RRP36: variants seen among roughly 807,000 people sequenced by gnomAD.
RRP36 encodes the protein ribosomal RNA processing protein 36 homolog.
A neutral mutation model predicts 39.8 loss-of-function variants in RRP36; 44 were observed. That is an observed-to-expected ratio of 1.10 (90% CI 0.87 to 1.42). The LOEUF (loss-of-function observed/expected upper bound fraction) is 1.42, where lower values mean the gene tolerates loss of function less well. RRP36 is among the 40% of genes most tolerant of loss of function. RRP36 has a pLI of 0.00. For missense variants in RRP36, 316 were observed against 322.4 expected (o/e 0.98, Z 0.15); for synonymous variants, 124 against 123.1 (o/e 1.01, Z -0.05).
chr6:43,027,672 T>C (rs1439097514), intron 6 of RRP36, among the ~76,000 whole-genome samples, 195 bp downstream of exon 6: 2 of 151,134 alleles, frequency 1.3e-5, no homozygotes, highest in Admixed American at 6.6e-5. Flanking sequence ...ATGGCAGGCA[T>C]TGTCACCTTT....
rs184167479 is a variant in RRP36 at position 43,024,856 on chromosome 6, T to C, written c.131-129T>C. ...TAACACTATCACAGCCTCTGCTGCC[T>C]AGGACTTCTAATAATGATTGGTCTG... On this transcript the variant is annotated intron_variant, in intron 1 of 6. Coordinates refer to ENST00000244496, the MANE Select transcript of RRP36 (RefSeq NM_033112.4). 58 of 1,135,584 alleles carry C rather than the reference T, an allele frequency of 5.1e-5. No individual in the cohort carries two copies. The African/African-American group carries it at 7.1e-4, about 14-fold the overall frequency. 70.3% of individuals were successfully genotyped at this position (1,135,584 alleles called of 1,614,324 possible). A position where few individuals can be genotyped will look rare whatever the true frequency, so the allele number is the denominator to read the frequency against.
Position 43,025,051 on chromosome 6 carries a change from A to G in RRP36, c.197A>G (p.Lys66Arg). 2 of 1,614,242 alleles carry G rather than the reference A, an allele frequency of 1.2e-6. No individual in the cohort carries two copies. The highest frequency in any genetic ancestry group is 2.2e-5 in the South Asian group (2 of 91,086). The change falls in exon 2 of 7, where the codon AAA (lysine) becomes AGA (arginine). Residue 66 changes from lysine to arginine, a missense_variant. Physicochemically the swap from Lys to Arg is conservative, Grantham distance 26. Coordinates refer to ENST00000244496, the MANE Select transcript of RRP36 (RefSeq NM_033112.4). The part of the protein sequence containing the change: ...LQSQVGTKTY[K>R]QLVAGNSPKK... Reference sequence around the variant, plus strand: ...AGCCAAGTGGGGACTAAGACGTACAAACAATTGGTAGCTGGAAATAGTCCT... The same window carrying G: ...AGCCAAGTGGGGACTAAGACGTACAGACAATTGGTAGCTGGAAATAGTCCT...
intron 1 of RRP36, among the ~76,000 whole-genome samples, chr6:43,022,243 C>T (rs1033829159): frequency 2.6e-5 from 4 of 151,824 alleles, no homozygotes; most frequent in Non-Finnish European, 5.9e-5. Flanking sequence ...GGACTACAGG[C>T]GCCCGCCACC....
chr6:43,024,418 T>A (rs1428548950), intron 1 of RRP36, among the ~76,000 whole-genome samples: 1 of 152,198 alleles, frequency 6.6e-6, no homozygotes, highest in African/African-American at 2.4e-5. Flanking sequence ...TTAAGGTACA[T>A]GGCTTTTACT....
intron 2 of RRP36, 47 bp downstream of exon 2, chr6:43,025,179 A>G: frequency 6.2e-7 from 1 of 1,613,308 alleles, no homozygotes; most frequent in South Asian, 1.1e-5. Flanking sequence ...GGGACCTTGA[A>G]TAGGTATGTT....
intron 1 of RRP36, 82 bp downstream of exon 1, chr6:43,021,866 A>G: frequency 1.9e-6 from 2 of 1,052,444 alleles, no homozygotes; most frequent in Non-Finnish European, 2.4e-6. Flanking sequence ...CGGTGCCGGT[A>G]AGACTGCCAA....
rs1026568887 is a variant in RRP36 at position 43,021,700 on chromosome 6, GCCCGACGTCCCCGCGGGGCCCGGGA to G, written c.49_73del (p.Arg17AlafsTer18). 1.0e-5 allele frequency: 12 copies of G among 1,149,472 alleles called. No individual in the cohort carries two copies. The Admixed American group carries it at 1.7e-4, about 17-fold the overall frequency. The allele number at this position is 1,149,472 out of a possible 1,614,324, so 71.2% of individuals were successfully genotyped here. ...CGCCGGGGCCGGGGCCGGGGCCGGG[GCCCGACGTCCCCGCGGGGCCCGGGA>G]CCGCGAGGAGGACGGCGGGGGCCTG... On this transcript the variant is annotated frameshift_variant, in exon 1 of 7. Transcript: ENST00000244496. LOFTEE classifies it high-confidence loss of function.
Position 43,029,105 on chromosome 6 carries a change from G to C in RRP36, c.657G>C (p.Gln219His). The C allele has an allele frequency of 6.2e-7, 1 of 1,614,262 alleles. No homozygotes were observed. Among genetic ancestry groups the C allele is most frequent in the Non-Finnish European group, 8.5e-7 (1 of 1,180,042 alleles). The change falls in exon 7 of 7, where the codon CAG (glutamine) becomes CAC (histidine). Residue 219 changes from glutamine to histidine, a missense_variant. By Grantham distance (24) the Gln-to-His change is conservative. Coordinates refer to ENST00000244496, the MANE Select transcript of RRP36 (RefSeq NM_033112.4). ...CCTGTCATTTAGCTGAGCAGCGCCAGTTGGCACTAGCTGAGAAGTTCAAGG... is the reference window on the plus strand; with the variant it reads ...CCTGTCATTTAGCTGAGCAGCGCCACTTGGCACTAGCTGAGAAGTTCAAGG... ...PYFLKKSEQRQLALAEKFKEL... is the reference protein window; with the variant it reads ...PYFLKKSEQRHLALAEKFKEL...
intron 3 of RRP36, among the ~76,000 whole-genome samples, chr6:43,025,622 C>CA (rs1219326852): frequency 0.078 from 4,919 of 63,308 alleles, 236 homozygotes; most frequent in Non-Finnish European, 0.12. Flanking sequence ...GACTCTGTCT[C>CA]AAAAAAAAAA....
intron 1 of RRP36, among the ~76,000 whole-genome samples, chr6:43,022,921 T>G (rs1040571706): frequency 6.6e-6 from 1 of 151,506 alleles, no homozygotes. Context: ...GTGAGCCACC[T>G]CGCCCAGCCA....
In RRP36 at chr6:43,021,911, C is replaced by T. The variant is rs970993805; in HGVS notation, c.130+127C>T. The T allele has an allele frequency of 7.5e-5, 50 of 670,900 alleles. No individual in the cohort carries two copies. In the African/African-American group the frequency reaches 8.6e-4, roughly 11 times the overall value. 41.6% of individuals were successfully genotyped at this position (670,900 alleles called of 1,614,324 possible). On this transcript the variant is annotated intron_variant, in intron 1 of 6. Transcript: ENST00000244496. ...GAGGCAGACGCTACACTAGGGGTGC[C>T]CCCAGTGCAGTGGAAAGTGGGGGGT...
intron 6 of RRP36, 83 bp from the exon 7 acceptor site, chr6:43,029,009 T>C (rs1762866597): frequency 3.2e-6 from 5 of 1,560,796 alleles, no homozygotes; most frequent in East Asian, 2.3e-5. Flanking sequence ...TCCAGCATAA[T>C]GGCTTGGAGT....
At chr6:43,022,665 C>T (rs1361698179) in intron 1 of RRP36, among the ~76,000 whole-genome samples, 5 of 143,576 alleles carry the variant, frequency 3.5e-5, no homozygotes, top group Admixed American at 1.4e-4. Context: ...CGGCGTCTCG[C>T]TCTGTTGCCC....
At chr6:43,027,127 C>T in intron 4 of RRP36, 51 bp from the exon 5 acceptor site, 1 of 1,526,154 alleles carries the variant, frequency 6.6e-7, no homozygotes, top group South Asian at 1.1e-5. Flanking sequence ...CATAAAATTT[C>T]AGCTAACATT....
Position 43,027,169 on chromosome 6 carries a change from A to G in RRP36, c.451-9A>G. On this transcript the variant is annotated splice_polypyrimidine_tract_variant and intron_variant, in intron 4 of 6. Transcript: ENST00000244496. ...ATGCTAACCATGATACTCATTTTCC[A>G]ATGTGGAGCTTGTGAAAAAACAGTT... The G allele has an allele frequency of 6.2e-7, 1 of 1,613,320 alleles. No individual in the cohort carries two copies. The highest frequency in any genetic ancestry group is 8.5e-7 in the Non-Finnish European group (1 of 1,179,302).
In RRP36 at chr6:43,029,393, CAAG is replaced by C; in HGVS notation, c.*168_*170del. ...CTCTTGGACTATCCCTAGGGCTACA[CAAG>C]AATAGTTCAGCCTTCTGCCATGCCA... is the stretch of plus-strand genomic sequence containing the variant. On this transcript the variant is annotated 3_prime_UTR_variant, in exon 7 of 7. Coordinates refer to ENST00000244496, the MANE Select transcript of RRP36 (RefSeq NM_033112.4). The C allele has an allele frequency of 1.4e-6, 1 of 691,664 alleles. No individual in the cohort carries two copies. Among genetic ancestry groups the C allele is most frequent in the South Asian group, 2.3e-5 (1 of 42,920 alleles). 42.8% of individuals were successfully genotyped at this position (691,664 alleles called of 1,614,324 possible).
intron 4 of RRP36, among the ~76,000 whole-genome samples, chr6:43,026,767 G>T (rs2150296768): frequency 6.6e-6 from 1 of 152,100 alleles, no homozygotes; most frequent in African/African-American, 2.4e-5. Context: ...CACTTTGGGA[G>T]GCCGAGGCAG....
rs1338820693 is a variant in RRP36 at position 43,021,801 on chromosome 6, G to A, written c.130+17G>A. 2.5e-6 allele frequency: 3 copies of A among 1,208,278 alleles called. No individual in the cohort carries two copies. The highest frequency in any genetic ancestry group is 2.1e-6 in the Non-Finnish European group (2 of 970,348). The allele number at this position is 1,208,278 out of a possible 1,614,324, so 74.8% of individuals were successfully genotyped here. Reference sequence around the variant, plus strand: ...TATTGAGGGGTGAGGGCATGGGGCAGGGCGGGCTGGGGAGGGGAAGGAGAT... The same window carrying A: ...TATTGAGGGGTGAGGGCATGGGGCAAGGCGGGCTGGGGAGGGGAAGGAGAT... On this transcript the variant is annotated intron_variant, in intron 1 of 6. Transcript: ENST00000244496.
At chr6:43,022,055 C>G (rs1316746993) in intron 1 of RRP36, among the ~76,000 whole-genome samples, 1 of 152,088 alleles carries the variant, frequency 6.6e-6, no homozygotes, top group Non-Finnish European at 1.5e-5. Context: ...GCATGCATGG[C>G]TGCTGAAGGC....
Sources: gnomAD v4.1 joint callset for allele counts (sites outside exome capture counted in the v4.1 genomes callset) on GRCh38, gnomAD v4.1.1 for gene constraint, MANE v1.5 for transcripts, NCBI Gene and HGNC (gene_info 2026-07-23, HGNC 2026-07-21) for gene names.